RNF130: variants seen among roughly 807,000 people sequenced by gnomAD.
RNF130 encodes E3 ubiquitin-protein ligase RNF130.
RNF130 carries 21 observed loss-of-function variants against 44.6 expected under a neutral mutation model. The ratio of observed to expected loss-of-function variants is 0.47; its 90% CI spans 0.33 to 0.68. RNF130 has a LOEUF of 0.68. Among genes scored for constraint, RNF130 ranks in the 30% least tolerant of loss-of-function variants. The pLI, the probability that RNF130 is intolerant of heterozygous loss-of-function variation, is 0.02. For synonymous variants in RNF130, 214 were observed against 210.4 expected, an observed-to-expected ratio of 1.02 and a Z score of -0.15; for missense variants, 479 against 560.6, an observed-to-expected ratio of 0.85 and a Z score of 1.47.
intron 2 of RNF130, among the ~76,000 whole-genome samples, chr5:180,039,539 A>C (rs1347392627): frequency 1.3e-5 from 2 of 152,232 alleles, no homozygotes; most frequent in Non-Finnish European, 2.9e-5. Context: ...TGAAAGGAAG[A>C]AAACAAGTCA....
intron 8 of RNF130, among the ~76,000 whole-genome samples, chr5:179,960,926 T>C (rs946761073): frequency 6.6e-6 from 1 of 151,968 alleles, no homozygotes; most frequent in African/African-American, 2.4e-5. Context: ...TGTTGAAAAA[T>C]TCATTAATAA....
intron 7 of RNF130, chr5:179,939,655 G>T (rs1761944727): frequency 2.2e-6 from 1 of 464,894 alleles, no homozygotes. Flanking sequence ...ATGAAGTGAG[G>T]CCCTGTGACC....
At chr5:179,920,099 CG>C in exon 8 of RNF130, 1 of 473,180 alleles carries the variant, frequency 2.1e-6, no homozygotes. Flanking sequence ...TCAGCTTGGG[CG>C]GGTTTTCAAT....
intron 5 of RNF130, 144 bp downstream of exon 5, chr5:179,978,059 A>G (rs753649489): frequency 1.3e-4 from 87 of 680,176 alleles, no homozygotes; most frequent in Non-Finnish European, 2.0e-4. Flanking sequence ...CCTCAGCCCC[A>G]TGGCCAGCAA....
intron 7 of RNF130, among the ~76,000 whole-genome samples, chr5:179,921,137 A>G (rs753922299): frequency 6.6e-6 from 1 of 152,160 alleles, no homozygotes; most frequent in East Asian, 1.9e-4. Flanking sequence ...CTGACATACA[A>G]TGAAAAGCAC....
At position 180,066,063 on chromosome 5, in the gene RNF130, T is replaced by C. The variant is rs112710637; in HGVS notation, c.247+5393A>G. ...TTTTCACTGCTGCATAATATGTGCA[T>C]ATATGTGTACACATACACACGCCCT... On this transcript the variant is annotated intron_variant, in intron 1 of 8. Transcript: ENST00000521389. Among the ~76,000 whole-genome samples the C allele has an allele frequency of 7.2e-3, 1,100 of 152,338 alleles. 5 individuals are homozygous for C. The highest frequency in any genetic ancestry group is 0.013 in the Non-Finnish European group (851 of 68,034).
chr5:179,928,340 C>A (rs1429162475), intron 7 of RNF130, among the ~76,000 whole-genome samples: 1 of 151,494 alleles, frequency 6.6e-6, no homozygotes, highest in Non-Finnish European at 1.5e-5. Context: ...CTTTCTGTGC[C>A]AATAATGGAT....
At chr5:180,049,687 A>G (rs989034002) in intron 1 of RNF130, among the ~76,000 whole-genome samples, 2 of 152,212 alleles carry the variant, frequency 1.3e-5, no homozygotes, top group African/African-American at 4.8e-5. Flanking sequence ...CACAGGTTAA[A>G]TCAGACTGCA....
chr5:179,978,875 T>G (rs141788324), intron 4 of RNF130, among the ~76,000 whole-genome samples: 89 of 152,288 alleles, frequency 5.8e-4, no homozygotes, highest in African/African-American at 2.1e-3. Flanking sequence ...GACACCAGAT[T>G]AATTGATTTC....
chr5:179,974,008 T>C (rs1339231709), intron 5 of RNF130, among the ~76,000 whole-genome samples: 4 of 152,052 alleles, frequency 2.6e-5, no homozygotes, highest in African/African-American at 4.8e-5. Flanking sequence ...TGCCATGAAC[T>C]AGAGTGAGCA....
intron 5 of RNF130, among the ~76,000 whole-genome samples, chr5:179,975,625 C>T (rs954661934): frequency 2.6e-5 from 4 of 152,076 alleles, no homozygotes; most frequent in Non-Finnish European, 4.4e-5. Flanking sequence ...CTTGGTGATG[C>T]GTGGAGTGTA....
rs76062962 is a variant in RNF130 at position 179,988,689 on chromosome 5, G to A, written c.694-8489C>T. The stretch of plus-strand genomic sequence containing the variant: ...AGTGATCATGTTGTTTAGTTTCCAC[G>A]TAGATACTGTTTCCAAAGTTCCTCT... On this transcript the variant is annotated intron_variant, in intron 3 of 8. Transcript: ENST00000521389. 5.2e-3 allele frequency among the ~76,000 whole-genome samples: 785 copies of A among 152,172 alleles called. 9 individuals carry two copies. Among genetic ancestry groups the A allele is most frequent in the Non-Finnish European group, 5.1e-3 (348 of 68,000 alleles).
intron 7 of RNF130, among the ~76,000 whole-genome samples, chr5:179,947,840 T>C (rs1448692649): frequency 1.3e-5 from 2 of 152,208 alleles, no homozygotes. Context: ...CTACACAATA[T>C]GCTATTATAT....
intron 7 of RNF130, among the ~76,000 whole-genome samples, chr5:179,937,155 G>A (rs1295615687): frequency 2.0e-5 from 3 of 152,144 alleles, no homozygotes; most frequent in South Asian, 2.1e-4. Context: ...TCATCAAAAC[G>A]AAATATCATC....
chr5:179,974,734 G>C (rs186569731), intron 5 of RNF130, among the ~76,000 whole-genome samples: 1 of 152,254 alleles, frequency 6.6e-6, no homozygotes, highest in Non-Finnish European at 1.5e-5. Flanking sequence ...AACTGGACTG[G>C]GAAATGCGAG....
chr5:179,970,228 A>T (rs1253564994), intron 6 of RNF130, among the ~76,000 whole-genome samples, 182 bp downstream of exon 6: 1 of 152,190 alleles, frequency 6.6e-6, no homozygotes, highest in Non-Finnish European at 1.5e-5. Flanking sequence ...TCTGAGATGG[A>T]TTAGACTTCT....
chr5:179,966,488 C>T (rs1297794161), intron 7 of RNF130, among the ~76,000 whole-genome samples: 1 of 152,164 alleles, frequency 6.6e-6, no homozygotes, highest in African/African-American at 2.4e-5. Context: ...ACTGTGTCAC[C>T]TTCCAACATC....
chr5:180,067,592 C>T (rs976839724), intron 1 of RNF130, among the ~76,000 whole-genome samples: 17 of 152,034 alleles, frequency 1.1e-4, no homozygotes, highest in Non-Finnish European at 2.9e-5. Context: ...AGGAAAAACA[C>T]GGTATGTAAA....
chr5:179,912,260 G>A (rs549449675), exon 8 of RNF130: 1 of 152,310 alleles, frequency 6.6e-6, no homozygotes, highest in South Asian at 2.1e-4. Context: ...AAACAACTGT[G>A]ACATATGTGG....
Sources: allele counts gnomAD v4.1 joint callset (sites outside exome capture counted in the v4.1 genomes callset), GRCh38; gene constraint gnomAD v4.1.1; transcripts MANE v1.5; gene names NCBI Gene and HGNC (gene_info 2026-07-23, HGNC 2026-07-21).